Variants in SIMC1 observed in about 807,000 individuals in gnomAD.
SIMC1 encodes the protein SUMO interacting motifs containing 1.
Under a neutral mutation model 82.3 loss-of-function variants are expected in SIMC1, and 55 were observed. The ratio of observed to expected loss-of-function variants is 0.67; its 90% CI spans 0.54 to 0.84. The LOEUF (loss-of-function observed/expected upper bound fraction) is 0.84. Among genes scored for constraint, SIMC1 ranks in the 40% least tolerant of loss-of-function variants. SIMC1 has a pLI of 0.00. For synonymous variants in SIMC1, 353 were observed against 426.3 expected (o/e 0.83, Z 2.12); for missense variants, 915 against 1,107.2 (o/e 0.83, Z 2.46).
In SIMC1 at chr5:176,290,868, A is replaced by G; in HGVS notation, c.1344A>G (p.Pro448=). The G allele has an allele frequency of 1.2e-6, 2 of 1,613,284 alleles. No individual in the cohort carries two copies. The highest frequency in any genetic ancestry group is 1.7e-6 in the Non-Finnish European group (2 of 1,179,548). Residue 448 remains proline (P), a synonymous_variant, in exon 2 of 10, where the codon CCA becomes CCG. Coordinates refer to ENST00000429602, the MANE Select transcript of SIMC1 (RefSeq NM_001308195.2). Reference sequence around the variant, plus strand: ...CACAAGGTGGGTTGTACAACAGACCATGCCTGCATAGACTGAAGTACTTCT... The same window carrying G: ...CACAAGGTGGGTTGTACAACAGACCGTGCCTGCATAGACTGAAGTACTTCT... The part of the protein sequence containing the change: ...RTPQGGLYNR[P]CLHRLKYFLR...
At position 176,295,137 on chromosome 5, in the gene SIMC1, T is replaced by C. The variant is rs370785835; in HGVS notation, c.1539T>C (p.Phe513=). 1.2e-5 allele frequency: 20 copies of C among 1,613,560 alleles called. No homozygotes were observed. The highest frequency in any genetic ancestry group is 1.7e-6 in the Non-Finnish European group (2 of 1,179,698). Residue 513 remains phenylalanine (F), a synonymous_variant, in exon 3 of 10, where the codon TTT becomes TTC. Coordinates refer to ENST00000429602, the MANE Select transcript of SIMC1 (RefSeq NM_001308195.2). The part of the protein sequence containing the change: ...PLGTVQFLMD[F]VSPQHYPPRE... ...GGACTGTGCAGTTTTTGATGGACTT[T>C]GTGTCACCCCAGCATTACCCACCAA...
At chr5:176,334,595 TAC>T (rs1015452542) in intron 7 of SIMC1, among the ~76,000 whole-genome samples, 6 of 152,192 alleles carry the variant, frequency 3.9e-5, no homozygotes, top group Non-Finnish European at 7.3e-5. Context: ...CAGGTTCCCT[TAC>T]ACACATTTCC....
At position 176,255,287 on chromosome 5, in the gene SIMC1, A is replaced by G. The variant is rs1363535623; in HGVS notation, c.129+16650A>G. ...AATGTTTCAAATAAAAGTCATAAAA[A>G]CGTTATCTTCAAGACCAGGTGCTGT... On this transcript the variant is annotated intron_variant, in intron 1 of 9. Coordinates refer to ENST00000429602, the MANE Select transcript of SIMC1 (RefSeq NM_001308195.2). 4.0e-5 allele frequency among the ~76,000 whole-genome samples: 6 copies of G among 150,748 alleles called. No homozygotes were observed. In the East Asian group the frequency reaches 1.2e-3, roughly 29 times the overall value.
At chr5:176,308,992 A>T (rs1764544520) in intron 4 of SIMC1, 3 of 849,592 alleles carry the variant, frequency 3.5e-6, no homozygotes, top group Admixed American at 3.4e-5. Context: ...AGCTTATGCA[A>T]GAACTTTCTT....
At chr5:176,306,277 C>T (rs1235510161) in intron 4 of SIMC1, among the ~76,000 whole-genome samples, 6 of 120,884 alleles carry the variant, frequency 5.0e-5, no homozygotes, top group Non-Finnish European at 1.1e-4. Context: ...CCGCCCCGTC[C>T]GGGAGGGAGG....
chr5:176,275,852 T>C (rs1414614955), intron 1 of SIMC1, among the ~76,000 whole-genome samples: 1 of 151,710 alleles, frequency 6.6e-6, no homozygotes, highest in Non-Finnish European at 1.5e-5. Flanking sequence ...AGCTTTTTGA[T>C]GTGCTGCTGG....
intron 1 of SIMC1, among the ~76,000 whole-genome samples, chr5:176,274,689 G>A (rs1013915098): frequency 1.9e-4 from 29 of 151,982 alleles, no homozygotes; most frequent in Admixed American, 1.0e-3. Context: ...CGTATAAGGT[G>A]TAAGGAAGGG....
At chr5:176,303,833 T>A (rs59969887) in intron 4 of SIMC1, among the ~76,000 whole-genome samples, 6,216 of 152,298 alleles carry the variant, frequency 0.041, 231 homozygotes, top group African/African-American at 0.093. Flanking sequence ...AGTCTCTGAA[T>A]GTCATAGGAA....
intron 1 of SIMC1, among the ~76,000 whole-genome samples, chr5:176,245,200 T>C (rs1761397197): frequency 6.6e-6 from 1 of 152,122 alleles, no homozygotes; most frequent in South Asian, 2.1e-4. Flanking sequence ...CCGAGTAGAG[T>C]GAACCCTTAA....
At chr5:176,308,272 A>G (rs1581289866) in intron 4 of SIMC1, 1 of 1,498,846 alleles carries the variant, frequency 6.7e-7, no homozygotes, top group East Asian at 2.3e-5. Flanking sequence ...ATGCCATCAG[A>G]ATTGTTCACA....
chr5:176,324,519 C>G, intron 6 of SIMC1, 110 bp from the exon 7 acceptor site: 1 of 1,112,910 alleles, frequency 9.0e-7, no homozygotes, highest in Non-Finnish European at 1.2e-6. Context: ...TTTATAAGAT[C>G]CTTTAGTAGT....
intron 1 of SIMC1, among the ~76,000 whole-genome samples, chr5:176,281,126 ATTTC>A (rs1762986418): frequency 1.3e-5 from 2 of 152,072 alleles, no homozygotes; most frequent in South Asian, 4.2e-4. Context: ...AGCTTTGTTC[ATTTC>A]TTTTTATTCT....
chr5:176,339,381 A>G (rs936319149), intron 9 of SIMC1, among the ~76,000 whole-genome samples: 2 of 152,060 alleles, frequency 1.3e-5, no homozygotes, highest in Middle Eastern at 3.2e-3. Flanking sequence ...ATAAAAGAGT[A>G]TGTTGTCCAG....
chr5:176,322,760 T>G, intron 6 of SIMC1: 2 of 196,304 alleles, frequency 1.0e-5, no homozygotes, highest in Non-Finnish European at 1.1e-5. Flanking sequence ...CAGATATCTG[T>G]TGCCATAGAG....
At position 176,304,883 on chromosome 5, in the gene SIMC1, G is replaced by A. The variant is rs1344972614; in HGVS notation, c.1734+8563G>A. 1.1e-4 allele frequency among the ~76,000 whole-genome samples: 16 copies of A among 147,252 alleles called. No individual in the cohort carries two copies. In the East Asian group the frequency reaches 1.7e-3, roughly 16 times the overall value. On this transcript the variant is annotated intron_variant, in intron 4 of 9. Transcript: ENST00000429602. ...AGCGCCTCTGCCTGGCCGAGACCCC[G>A]TCTGGGAGGTGACGAGCGTCTCTGC...
intron 1 of SIMC1, among the ~76,000 whole-genome samples, chr5:176,266,625 A>G (rs1225329456): frequency 1.7e-5 from 2 of 115,926 alleles, no homozygotes; most frequent in African/African-American, 7.5e-5. Context: ...TAGGCATGCA[A>G]AGAAACAGAA....
intron 1 of SIMC1, among the ~76,000 whole-genome samples, chr5:176,285,514 A>C (rs905836401): frequency 6.6e-6 from 1 of 152,198 alleles, no homozygotes; most frequent in East Asian, 1.9e-4. Flanking sequence ...GTTTATGACA[A>C]ACCCACAGCC....
intron 1 of SIMC1, among the ~76,000 whole-genome samples, chr5:176,253,632 C>T (rs554805463): frequency 2.2e-4 from 33 of 152,224 alleles, no homozygotes; most frequent in African/African-American, 5.8e-4. Flanking sequence ...CTTTTAGCCA[C>T]GTTTGAGCAA....
At chr5:176,265,426 A>G (rs760642626) in intron 1 of SIMC1, among the ~76,000 whole-genome samples, 1 of 152,254 alleles carries the variant, frequency 6.6e-6, no homozygotes, top group African/African-American at 2.4e-5. Context: ...TATCAACACC[A>G]TAAGTGGGTG....
Sources: allele counts gnomAD v4.1 joint callset (sites outside exome capture counted in the v4.1 genomes callset), GRCh38; gene constraint gnomAD v4.1.1; transcripts MANE v1.5; gene names NCBI Gene and HGNC (gene_info 2026-07-23, HGNC 2026-07-21).